Variants in DLG1 observed in about 807,000 individuals in gnomAD.
The protein encoded by DLG1 is discs large MAGUK scaffold protein 1, also known as disks large homolog 1.
Under a neutral mutation model 123.4 loss-of-function variants are expected in DLG1, and 42 were observed. The ratio of observed to expected loss-of-function variants is 0.34; its 90% CI spans 0.27 to 0.44. DLG1 has a LOEUF of 0.44. Among genes scored for constraint, DLG1 ranks in the 20% least tolerant of loss-of-function variants. The pLI, the probability that DLG1 is intolerant of heterozygous loss-of-function variation, is 1.00. For synonymous variants in DLG1, 317 were observed against 356.2 expected (o/e 0.89, Z 1.24); for missense variants, 942 against 1,082.6 (o/e 0.87, Z 1.82).
chr3:197,280,028 G>A (rs1768436462), intron 4 of DLG1, among the ~76,000 whole-genome samples: 1 of 152,098 alleles, frequency 6.6e-6, no homozygotes, highest in African/African-American at 2.4e-5. Flanking sequence ...TTCTGAAATA[G>A]ACAATAAATT....
At chr3:197,157,578 T>A (rs553114917) in intron 5 of DLG1, among the ~76,000 whole-genome samples, 1 of 148,346 alleles carries the variant, frequency 6.7e-6, no homozygotes, top group Non-Finnish European at 1.5e-5. Context: ...TCTGTGGTCA[T>A]AGATTGGAAG....
At chr3:197,152,703 C>T (rs1794556878) in intron 5 of DLG1, among the ~76,000 whole-genome samples, 1 of 137,510 alleles carries the variant, frequency 7.3e-6, no homozygotes, top group Non-Finnish European at 1.5e-5. Context: ...GTGGAGCTTG[C>T]AGTGAGCCGA....
chr3:197,296,731 T>C (rs1296819570), intron 2 of DLG1: 1 of 404,356 alleles, frequency 2.5e-6, no homozygotes, highest in Non-Finnish European at 4.4e-6. Context: ...AATAAATGTG[T>C]ACTGGTAGTT....
intron 15 of DLG1, among the ~76,000 whole-genome samples, chr3:197,089,517 A>C (rs147806021): frequency 0.01 from 1,556 of 149,098 alleles, 30 homozygotes; most frequent in African/African-American, 0.037. Flanking sequence ...ACAAAGTGAG[A>C]CCCTGTCTTT....
upstream of DLG1, chr3:197,299,281 C>T (rs549244721): frequency 2.0e-5 from 3 of 152,322 alleles, no homozygotes; most frequent in African/African-American, 4.8e-5. Context: ...CCAAAGTTAC[C>T]CCGAGTGAGT....
intron 5 of DLG1, chr3:197,161,763 T>G: frequency 6.9e-7 from 1 of 1,457,708 alleles, no homozygotes; most frequent in Admixed American, 2.2e-5. Context: ...TGACAAAAAA[T>G]CAGGAAAAAC....
intron 5 of DLG1, among the ~76,000 whole-genome samples, chr3:197,185,459 C>G (rs1343644847): frequency 2.0e-5 from 3 of 152,156 alleles, no homozygotes; most frequent in Non-Finnish European, 2.9e-5. Context: ...GGTGCTTCTT[C>G]CCAAGGACTG....
At chr3:197,234,907 G>C (rs1745160343) in intron 4 of DLG1, among the ~76,000 whole-genome samples, 1 of 152,102 alleles carries the variant, frequency 6.6e-6, no homozygotes, top group Admixed American at 6.5e-5. Flanking sequence ...TGAAGTAGTA[G>C]TTTCTATTCC....
chr3:197,195,538 T>A (rs1157046769), intron 4 of DLG1, among the ~76,000 whole-genome samples: 2 of 152,154 alleles, frequency 1.3e-5, no homozygotes, highest in African/African-American at 4.8e-5. Flanking sequence ...CACAGAATAC[T>A]ATGCAGCCAT....
At chr3:197,298,705 A>G, upstream of DLG1, 1 of 396,778 alleles carries the variant, frequency 2.5e-6, no homozygotes, top group Non-Finnish European at 4.4e-6. Flanking sequence ...GAGAGGGAGG[A>G]GTTCGGGGAG....
intron 4 of DLG1, chr3:197,260,389 A>G: frequency 3.0e-6 from 1 of 335,408 alleles, no homozygotes; most frequent in Non-Finnish European, 5.8e-6. Context: ...GTGAGATAAA[A>G]CCATAAATGA....
chr3:197,294,895 C>T (rs1470566690), intron 3 of DLG1, among the ~76,000 whole-genome samples: 27 of 151,934 alleles, frequency 1.8e-4, no homozygotes, highest in Non-Finnish European at 4.4e-5. Context: ...ATCTATCTGC[C>T]TATCTATACA....
intron 18 of DLG1, among the ~76,000 whole-genome samples, chr3:197,073,333 A>G (rs1486311825): frequency 1.3e-5 from 2 of 152,214 alleles, no homozygotes; most frequent in Admixed American, 6.5e-5. Flanking sequence ...GAAAGCCTAC[A>G]TGTAATAAGA....
At chr3:197,069,449 T>C in intron 18 of DLG1, 189 bp from the exon 19 acceptor site, 1 of 418,574 alleles carries the variant, frequency 2.4e-6, no homozygotes. Context: ...CTCCTGTAAT[T>C]AAGGACAATG....
rs11319273 is a variant in DLG1 at position 197,134,472 on chromosome 3, CAAA to C, written c.1020+2067_1020+2069del. On this transcript the variant is annotated intron_variant, in intron 10 of 24. Coordinates refer to ENST00000667157, the MANE Select transcript of DLG1 (RefSeq NM_001366207.1). ...TTCCCAGGAAAATTATTCATAATAC[CAAA>C]AAAAAAAAAAAAAAAAAAAGACTTA... Among the ~76,000 whole-genome samples, 744 of 96,572 alleles carry C rather than the reference CAAA, an allele frequency of 7.7e-3. 2 individuals are homozygous for C. The highest frequency in any genetic ancestry group is 0.018 in the Middle Eastern group (3 of 170). 63.4% of individuals were successfully genotyped at this position (96,572 alleles called of 152,430 possible).
chr3:197,142,676 AC>A lies in DLG1; in HGVS notation c.588+41del, dbSNP rs751451888. 3.8e-5 allele frequency: 55 copies of A among 1,459,974 alleles called. No homozygotes were observed. In the African/African-American group the frequency reaches 5.7e-4, roughly 15 times the overall value. The allele number at this position is 1,459,974 out of a possible 1,614,324, so 90.4% of individuals were successfully genotyped here. ...ATTCTGTATGAAAAAGCAGTATATT[AC>A]AAAGTTCTCTAGAACAACAGATTAA... is the stretch of plus-strand genomic sequence containing the variant. On this transcript the variant is annotated intron_variant, in intron 7 of 24. Coordinates refer to ENST00000667157, the MANE Select transcript of DLG1 (RefSeq NM_001366207.1).
At chr3:197,215,732 C>G (rs1733812414) in intron 4 of DLG1, among the ~76,000 whole-genome samples, 1 of 152,100 alleles carries the variant, frequency 6.6e-6, no homozygotes, top group Admixed American at 6.5e-5. Context: ...ACAAAATCAA[C>G]AATTTATTGT....
chr3:197,192,543 G>C (rs1231780665), intron 5 of DLG1, among the ~76,000 whole-genome samples: 1 of 151,918 alleles, frequency 6.6e-6, no homozygotes. Flanking sequence ...CTGGTAAACA[G>C]CCAAAAAATC....
At chr3:197,213,263 A>C (rs1227895918) in intron 4 of DLG1, among the ~76,000 whole-genome samples, 5 of 152,112 alleles carry the variant, frequency 3.3e-5, no homozygotes, top group Non-Finnish European at 5.9e-5. Flanking sequence ...AAACAACCTC[A>C]ATGAATCTCA....
Sources: gnomAD v4.1 joint callset for allele counts (sites outside exome capture counted in the v4.1 genomes callset) on GRCh38, gnomAD v4.1.1 for gene constraint, MANE v1.5 for transcripts, NCBI Gene and HGNC (gene_info 2026-07-23, HGNC 2026-07-21) for gene names.